SLC26A7: variants seen among roughly 807,000 people sequenced by gnomAD.
The protein encoded by SLC26A7 is anion exchange transporter.
In SLC26A7, 59 loss-of-function variants were observed where a neutral mutation model predicts 82.5. That is an observed-to-expected ratio of 0.72 (90% CI 0.58 to 0.89). The LOEUF (loss-of-function observed/expected upper bound fraction) is 0.89. SLC26A7 is among the 40% of genes least tolerant of loss of function. The pLI is 0.00. For missense variants in SLC26A7, 820 were observed against 793.0 expected (o/e 1.03, Z -0.41); for synonymous variants, 271 against 274.3 (o/e 0.99, Z 0.12).
At chr8:91,238,881 A>C (rs1353167077) in intron 2 of SLC26A7, among the ~76,000 whole-genome samples, 1 of 152,152 alleles carries the variant, frequency 6.6e-6, no homozygotes, top group Non-Finnish European at 1.5e-5. Context: ...AATTAGATGG[A>C]TATTTTATTT....
Position 91,357,715 on chromosome 8 carries a change from C to T in SLC26A7, c.1315-4638C>T, listed in dbSNP as rs534804910. Among the ~76,000 whole-genome samples, 10 of 149,536 alleles carry T rather than the reference C, an allele frequency of 6.7e-5. No homozygotes were observed. In the East Asian group the frequency reaches 1.0e-3, roughly 15 times the overall value. ...TAGGCATGGGCAAGGACTTCATGTC[C>T]AAAACACCAAAAGCAATGGCAACAA... On this transcript the variant is annotated intron_variant, in intron 11 of 18. Transcript: ENST00000276609.
chr8:91,253,429 G>C (rs1280690379), intron 2 of SLC26A7, among the ~76,000 whole-genome samples: 1 of 152,064 alleles, frequency 6.6e-6, no homozygotes, highest in African/African-American at 2.4e-5. Context: ...AATTCTGTCT[G>C]AACTATTGAA....
chr8:91,348,194 C>T, intron 9 of SLC26A7: 1 of 377,554 alleles, frequency 2.6e-6, no homozygotes, highest in Non-Finnish European at 3.6e-6. Flanking sequence ...GCTTTCATCT[C>T]CTTTAAAACC....
At chr8:91,350,899 C>T (rs1054548203) in intron 9 of SLC26A7, among the ~76,000 whole-genome samples, 2 of 152,046 alleles carry the variant, frequency 1.3e-5, no homozygotes, top group Non-Finnish European at 2.9e-5. Context: ...GTAGCTGTAC[C>T]ATATTGTATT....
At chr8:91,267,717 T>C (rs1336722282) in intron 2 of SLC26A7, among the ~76,000 whole-genome samples, 1 of 151,886 alleles carries the variant, frequency 6.6e-6, no homozygotes, top group Non-Finnish European at 1.5e-5. Context: ...ACCCTTTTTT[T>C]CTTGATCTTT....
intron 5 of SLC26A7, among the ~76,000 whole-genome samples, chr8:91,330,585 G>C (rs1180915460): frequency 1.3e-5 from 2 of 152,070 alleles, no homozygotes; most frequent in Non-Finnish European, 2.9e-5. Context: ...TTTATCACCT[G>C]AAACTAGACT....
At chr8:91,394,246 T>A in intron 18 of SLC26A7, 1 of 1,613,500 alleles carries the variant, frequency 6.2e-7, no homozygotes, top group South Asian at 1.1e-5. Flanking sequence ...TTTGATAACT[T>A]GGATCTTCCA....
At position 91,227,034 on chromosome 8, in the gene SLC26A7, CT is replaced by C. The variant is rs1441151065; in HGVS notation, c.-34+8030del. Among the ~76,000 whole-genome samples, 13 of 152,292 alleles carry C rather than the reference CT, an allele frequency of 8.5e-5. No individual in the cohort carries two copies. The East Asian group carries it at 2.5e-3, about 29-fold the overall frequency. On this transcript the variant is annotated intron_variant, in intron 2 of 5. Coordinates refer to the SLC26A7 transcript ENST00000522862. ...CTGCCCTGTGGGGTCAACTAATGTT[CT>C]GAATCACTGATTAATTAAATTAGAA...
intron 5 of SLC26A7, among the ~76,000 whole-genome samples, chr8:91,330,229 CTTAA>C (rs1352769569): frequency 1.6e-4 from 25 of 152,210 alleles, no homozygotes; most frequent in Middle Eastern, 3.4e-3. Flanking sequence ...TGAGGCTCCA[CTTAA>C]TTGAGTACAT....
At chr8:91,338,283 G>T (rs540822370) in intron 7 of SLC26A7, 51 bp downstream of exon 7, 2 of 1,371,676 alleles carry the variant, frequency 1.5e-6, no homozygotes, top group African/African-American at 2.9e-5. Context: ...GTTTATTTTT[G>T]ATGGAGAAAG....
chr8:91,251,563 A>T (rs370207722), intron 2 of SLC26A7, among the ~76,000 whole-genome samples: 1 of 152,162 alleles, frequency 6.6e-6, no homozygotes, highest in East Asian at 1.9e-4. Flanking sequence ...ACGTATAGAC[A>T]GTTAAAAAGT....
At chr8:91,252,112 A>G (rs1240790187) in intron 2 of SLC26A7, among the ~76,000 whole-genome samples, 1 of 152,150 alleles carries the variant, frequency 6.6e-6, no homozygotes, top group Non-Finnish European at 1.5e-5. Context: ...TCATAACGCA[A>G]ACAATAGGCT....
chr8:91,394,425 G>T, intron 18 of SLC26A7: 1 of 1,420,868 alleles, frequency 7.0e-7, no homozygotes, highest in South Asian at 1.6e-5. Context: ...CTGATATCTT[G>T]CCTCTAAGCT....
At chr8:91,246,005 A>G (rs944718464), upstream of SLC26A7, among the ~76,000 whole-genome samples, 1 of 152,198 alleles carries the variant, frequency 6.6e-6, no homozygotes, top group African/African-American at 2.4e-5. Context: ...ATTAGAAAAA[A>G]TAACTGTGTT....
At chr8:91,251,089 T>G (rs1476411119) in intron 2 of SLC26A7, among the ~76,000 whole-genome samples, 3 of 152,144 alleles carry the variant, frequency 2.0e-5, no homozygotes, top group Non-Finnish European at 4.4e-5. Flanking sequence ...TATAAATTTA[T>G]TTTGCTTTAA....
At chr8:91,390,913 G>A (rs1051550437) in intron 16 of SLC26A7, among the ~76,000 whole-genome samples, 1 of 152,170 alleles carries the variant, frequency 6.6e-6, no homozygotes, top group Non-Finnish European at 1.5e-5. Context: ...GTCTAAACAT[G>A]GTTGTTGTAT....
intron 4 of SLC26A7, among the ~76,000 whole-genome samples, chr8:91,297,936 T>A (rs1347360304): frequency 6.6e-6 from 1 of 152,186 alleles, no homozygotes. Context: ...TTAATAAGAT[T>A]GTATTGTTAA....
intron 8 of SLC26A7, 196 bp from the exon 9 acceptor site, chr8:91,343,157 G>C: frequency 1.9e-6 from 1 of 529,644 alleles, no homozygotes; most frequent in Non-Finnish European, 3.4e-6. Context: ...AATGAGTAAA[G>C]TGCTTGAGAA....
intron 2 of SLC26A7, among the ~76,000 whole-genome samples, chr8:91,234,483 T>C (rs1464036636): frequency 1.3e-5 from 2 of 151,790 alleles, no homozygotes; most frequent in Non-Finnish European, 2.9e-5. Flanking sequence ...CCTTCTGTTT[T>C]TTTTTTTTTA....
Sources: gnomAD v4.1 joint callset for allele counts (sites outside exome capture counted in the v4.1 genomes callset) on GRCh38, gnomAD v4.1.1 for gene constraint, MANE v1.5 for transcripts, NCBI Gene and HGNC (gene_info 2026-07-23, HGNC 2026-07-21) for gene names.